Variants in TENM3 observed in about 807,000 individuals in gnomAD.
TENM3 encodes teneurin-3.
A neutral mutation model predicts 255.1 loss-of-function variants in TENM3; 63 were observed. That is an observed-to-expected ratio of 0.25 (90% CI 0.20 to 0.30). The LOEUF is 0.30. Among genes scored for constraint, TENM3 ranks in the 10% least tolerant of loss-of-function variants. The pLI is 1.00. For missense variants in TENM3, 2,929 were observed against 3,461.1 expected, an observed-to-expected ratio of 0.85 and a Z score of 3.86; for synonymous variants, 1,306 against 1,322.3, an observed-to-expected ratio of 0.99 and a Z score of 0.27.
chr4:182,623,011 C>CTTTTTTTTT (rs562578993), intron 4 of TENM3, among the ~76,000 whole-genome samples: 1 of 143,092 alleles, frequency 7.0e-6, no homozygotes, highest in African/African-American at 2.6e-5. Flanking sequence ...GACAGAGTCT[C>CTTTTTTTTT]TTTTTTTTTT....
chr4:182,022,174 A>AAG, the TENM3 span, among the ~76,000 whole-genome samples: 1 of 151,656 alleles, frequency 6.6e-6, no homozygotes, highest in Non-Finnish European at 1.5e-5. Context: ...ATTGGATAAA[A>AAG]AAAAAAAAAA....
intron 3 of TENM3, among the ~76,000 whole-genome samples, chr4:182,558,851 T>C (rs1742836052): frequency 6.6e-6 from 1 of 152,142 alleles, no homozygotes; most frequent in Admixed American, 6.5e-5. Flanking sequence ...GATGTTATAA[T>C]TCCAAAGAGG....
chr4:182,582,022 G>A (rs1745540955), intron 3 of TENM3, among the ~76,000 whole-genome samples: 1 of 152,030 alleles, frequency 6.6e-6, no homozygotes, highest in South Asian at 2.1e-4. Flanking sequence ...TTATAAAACT[G>A]GAAACTAACA....
chr4:182,117,466 T>C, the TENM3 span, among the ~76,000 whole-genome samples: 2 of 152,186 alleles, frequency 1.3e-5, no homozygotes, highest in African/African-American at 4.8e-5. Context: ...CCATTTTGAG[T>C]TAATTTTTGT....
intron 3 of TENM3, among the ~76,000 whole-genome samples, chr4:182,368,672 A>G (rs556806653): frequency 6.6e-6 from 1 of 152,330 alleles, no homozygotes; most frequent in South Asian, 2.1e-4. Context: ...GATCTCTAAA[A>G]GGGATAAAAA....
intron 3 of TENM3, among the ~76,000 whole-genome samples, chr4:182,500,626 T>C (rs1377469680): frequency 3.3e-5 from 1 of 29,876 alleles, no homozygotes; most frequent in Non-Finnish European, 9.5e-5. Context: ...TTCAGGAATT[T>C]AAGTAAATAA....
At chr4:182,675,999 C>T (rs1046982986) in intron 7 of TENM3, among the ~76,000 whole-genome samples, 1 of 152,126 alleles carries the variant, frequency 6.6e-6, no homozygotes. Flanking sequence ...TAGTTTCTTC[C>T]TGTGGTTTAT....
At chr4:181,692,621 G>C in the TENM3 span, among the ~76,000 whole-genome samples, 1 of 152,154 alleles carries the variant, frequency 6.6e-6, no homozygotes, top group Non-Finnish European at 1.5e-5. Context: ...CTGTGTCCTT[G>C]TATGCATAGA....
At chr4:182,621,653 A>AT (rs1463623661) in intron 4 of TENM3, among the ~76,000 whole-genome samples, 1 of 43,994 alleles carries the variant, frequency 2.3e-5, no homozygotes, top group Non-Finnish European at 5.3e-5. Flanking sequence ...TACATATTAT[A>AT]ATATATAATA....
chr4:182,389,755 G>A (rs1212400805), intron 3 of TENM3, among the ~76,000 whole-genome samples: 1 of 143,804 alleles, frequency 7.0e-6, no homozygotes, highest in Non-Finnish European at 1.5e-5. Flanking sequence ...GCGCGATCTC[G>A]GCTCACTGCA....
At chr4:182,131,444 C>T in the TENM3 span, among the ~76,000 whole-genome samples, 1 of 152,100 alleles carries the variant, frequency 6.6e-6, no homozygotes, top group Admixed American at 6.5e-5. Context: ...AAAAACCTCA[C>T]CCACGATTAG....
chr4:182,109,134 ATGT>A, the TENM3 span, among the ~76,000 whole-genome samples: 22,307 of 149,380 alleles, frequency 0.15, 1,929 homozygotes, highest in Non-Finnish European at 0.2. Context: ...GTTGATCCAG[ATGT>A]TGTGATTATA....
the TENM3 span, among the ~76,000 whole-genome samples, chr4:181,776,472 T>C: frequency 1.3e-5 from 2 of 152,144 alleles, no homozygotes; most frequent in East Asian, 1.9e-4. Flanking sequence ...AGTTCTATTT[T>C]TGGATTTTTG....
chr4:182,227,373 G>A lies in TENM3; in HGVS notation c.-76+82619G>A, dbSNP rs1229124673. Among the ~76,000 whole-genome samples the A allele has an allele frequency of 2.6e-5, 4 of 152,092 alleles. No individual in the cohort carries two copies. In the East Asian group the frequency reaches 5.8e-4, roughly 22 times the overall value. The stretch of plus-strand genomic sequence containing the variant: ...CTGTGACTTCCTGGGTCCCATGCCG[G>A]GGTATTCAAGGCCTCAAGCCTGTCC... On this transcript the variant is annotated intron_variant, in intron 1 of 2. Coordinates refer to the TENM3 transcript ENST00000512480.
the TENM3 span, among the ~76,000 whole-genome samples, chr4:181,857,674 C>G: frequency 6.6e-6 from 1 of 151,144 alleles, no homozygotes; most frequent in Non-Finnish European, 1.5e-5. Flanking sequence ...GGGAAAACCC[C>G]TTGAGCCTGG....
chr4:181,636,939 T>A, the TENM3 span, among the ~76,000 whole-genome samples: 1 of 152,132 alleles, frequency 6.6e-6, no homozygotes, highest in Non-Finnish European at 1.5e-5. Context: ...CCCCTACCCC[T>A]CTGGTTTACA....
chr4:182,409,450 C>A (rs1000187688), intron 3 of TENM3, among the ~76,000 whole-genome samples: 1 of 152,182 alleles, frequency 6.6e-6, no homozygotes. Context: ...TGTAATAGCC[C>A]CAGGAGCTTT....
chr4:182,288,631 G>A (rs911261819), intron 1 of TENM3, among the ~76,000 whole-genome samples: 2 of 152,208 alleles, frequency 1.3e-5, no homozygotes, highest in African/African-American at 4.8e-5. Context: ...TGATTACACA[G>A]ACTAGGTACT....
the TENM3 span, among the ~76,000 whole-genome samples, chr4:181,853,141 A>G: frequency 6.6e-6 from 1 of 152,186 alleles, no homozygotes; most frequent in Non-Finnish European, 1.5e-5. Flanking sequence ...AGAAAAACTG[A>G]AGTTTGTGTA....
Sources: gnomAD v4.1 joint callset for allele counts (sites outside exome capture counted in the v4.1 genomes callset) on GRCh38, gnomAD v4.1.1 for gene constraint, MANE v1.5 for transcripts, NCBI Gene and HGNC (gene_info 2026-07-23, HGNC 2026-07-21) for gene names.